PACSIN2: variants seen among roughly 807,000 people sequenced by gnomAD.
PACSIN2 encodes the protein protein kinase C and casein kinase substrate in neurons protein 2.
In PACSIN2, 25 loss-of-function variants were observed where a neutral mutation model predicts 63.8. The observed-to-expected ratio is 0.39, with a 90% CI of 0.29 to 0.55. The LOEUF (loss-of-function observed/expected upper bound fraction) is 0.55. PACSIN2 is among the 20% of genes least tolerant of loss of function. The pLI is 0.62. For missense variants in PACSIN2, 518 were observed against 646.9 expected, an observed-to-expected ratio of 0.80 and a Z score of 2.16; for synonymous variants, 255 against 256.2, an observed-to-expected ratio of 1.00 and a Z score of 0.05.
rs1265101339 is a variant in PACSIN2, at chr22:42,884,388, A to G, written c.783T>C (p.Ala261=). 6.2e-7 allele frequency: 1 copy of G among 1,609,198 alleles called. No individual in the cohort carries two copies. Among genetic ancestry groups the G allele is most frequent in the Non-Finnish European group, 8.5e-7 (1 of 1,178,330 alleles). Residue 261 remains alanine, a splice_region_variant and synonymous_variant, in exon 6 of 11, where the codon GCT becomes GCC. Transcript: ENST00000263246. ...GTTTTAGCTCAAAGGAAACTTACCC[A>G]GCCACATTGGACAGGTCTAGGTGCT... The part of the protein sequence containing the change: ...VQKHLDLSNV[A]GYKAIYHDLE...
intron 1 of PACSIN2, among the ~76,000 whole-genome samples, chr22:42,936,756 C>A (rs1932931509): frequency 1.3e-5 from 2 of 152,020 alleles, no homozygotes; most frequent in South Asian, 4.2e-4. Context: ...ACTAAAAATA[C>A]AAAAATTAGC....
chr22:42,986,713 G>A (rs1052769171), intron 1 of PACSIN2, among the ~76,000 whole-genome samples: 4 of 152,080 alleles, frequency 2.6e-5, no homozygotes, highest in Non-Finnish European at 5.9e-5. Context: ...TTTGTGCTAT[G>A]ACCTGAAGAC....
intron 1 of PACSIN2, among the ~76,000 whole-genome samples, chr22:42,928,246 G>T (rs1932661438): frequency 6.6e-6 from 1 of 152,252 alleles, no homozygotes; most frequent in Non-Finnish European, 1.5e-5. Context: ...AAATGTCGCT[G>T]CCTCTGAAGT....
At chr22:42,978,636 G>C (rs1921867650) in intron 1 of PACSIN2, among the ~76,000 whole-genome samples, 1 of 152,126 alleles carries the variant, frequency 6.6e-6, no homozygotes, top group African/African-American at 2.4e-5. Flanking sequence ...GGAGGCAGTC[G>C]GGCAACATTT....
chr22:42,873,119 A>G (rs1928300274), intron 10 of PACSIN2, among the ~76,000 whole-genome samples: 2 of 152,270 alleles, frequency 1.3e-5, no homozygotes, highest in Non-Finnish European at 2.9e-5. Flanking sequence ...CACAGAAAAT[A>G]GAACGGACAG....
intron 1 of PACSIN2, among the ~76,000 whole-genome samples, chr22:42,922,533 C>G (rs972082386): frequency 6.6e-6 from 1 of 152,238 alleles, no homozygotes. Context: ...TGCCACGGCC[C>G]GAGCACACCT....
chr22:43,012,689 G>A (rs1018902019), intron 1 of PACSIN2, among the ~76,000 whole-genome samples: 3 of 148,456 alleles, frequency 2.0e-5, no homozygotes, highest in Admixed American at 6.7e-5. Context: ...TTTTGCTCTT[G>A]TTGCCTAGGC....
chr22:42,959,006 C>T (rs1310362491), intron 1 of PACSIN2, among the ~76,000 whole-genome samples: 1 of 152,118 alleles, frequency 6.6e-6, no homozygotes, highest in Admixed American at 6.5e-5. Context: ...GTTATTAAAA[C>T]AATAAGACTT....
intron 1 of PACSIN2, among the ~76,000 whole-genome samples, chr22:42,988,320 G>A (rs1922779058): frequency 6.6e-6 from 1 of 152,186 alleles, no homozygotes; most frequent in South Asian, 2.1e-4. Flanking sequence ...AGACAGCTGT[G>A]GGATGTGTGA....
intron 1 of PACSIN2, among the ~76,000 whole-genome samples, chr22:42,981,357 G>A (rs1458338900): frequency 1.4e-5 from 2 of 145,940 alleles, no homozygotes; most frequent in African/African-American, 5.2e-5. Flanking sequence ...GGAGGTGGGG[G>A]GGGTCAGCCC....
chr22:42,893,614 C>T lies in PACSIN2; in HGVS notation c.61-1G>A, dbSNP rs769627114. 6.2e-7 allele frequency: 1 copy of T among 1,611,318 alleles called. No individual in the cohort carries two copies. Among genetic ancestry groups the T allele is most frequent in the Non-Finnish European group, 8.5e-7 (1 of 1,177,710 alleles). On this transcript the variant is annotated splice_acceptor_variant, in intron 2 of 10. Transcript: ENST00000263246. LOFTEE classifies it high-confidence loss of function. Reference sequence around the variant, plus strand: ...TCACAGTCCGCTTGTAGTTCCCGACCTAGGAGAGAGAACCAGCTGGGAGGC... The same window carrying T: ...TCACAGTCCGCTTGTAGTTCCCGACTTAGGAGAGAGAACCAGCTGGGAGGC...
At chr22:42,913,736 T>C (rs997360022) in intron 1 of PACSIN2, among the ~76,000 whole-genome samples, 2 of 152,152 alleles carry the variant, frequency 1.3e-5, no homozygotes, top group African/African-American at 2.4e-5. Flanking sequence ...GTCAAGACAA[T>C]TGATGTTCAG....
chr22:42,963,807 C>T (rs1049148930), intron 1 of PACSIN2, among the ~76,000 whole-genome samples: 6 of 150,460 alleles, frequency 4.0e-5, no homozygotes, highest in Non-Finnish European at 8.8e-5. Flanking sequence ...AGATATTTGG[C>T]AAAAGGTCGT....
chr22:43,012,608 G>A (rs1417783581), intron 1 of PACSIN2, among the ~76,000 whole-genome samples: 1 of 151,886 alleles, frequency 6.6e-6, no homozygotes, highest in Non-Finnish European at 1.5e-5. Flanking sequence ...AGCCTCCCAA[G>A]TAGCTGAGGC....
intron 1 of PACSIN2, among the ~76,000 whole-genome samples, chr22:43,002,932 T>C (rs1224658596): frequency 1.3e-5 from 2 of 152,242 alleles, no homozygotes; most frequent in Admixed American, 6.5e-5. Flanking sequence ...ATTATAACAA[T>C]GTCAGTTATT....
At position 43,011,296 on chromosome 22, in the gene PACSIN2, C is replaced by T. The variant is rs1284591553; in HGVS notation, c.-78+3725G>A. ...ACAACCTAACTGGAAAAAAACTAAGCCAGCACTATTGCTCACATGAATGTG... is the reference window on the plus strand; with the variant it reads ...ACAACCTAACTGGAAAAAAACTAAGTCAGCACTATTGCTCACATGAATGTG... On this transcript the variant is annotated intron_variant, in intron 1 of 10. Transcript: ENST00000263246. Among the ~76,000 whole-genome samples, 12 of 152,302 alleles carry T rather than the reference C, an allele frequency of 7.9e-5. No individual in the cohort carries two copies. The East Asian group carries it at 2.3e-3, about 29-fold the overall frequency.
chr22:43,009,838 T>C (rs1361861558), intron 1 of PACSIN2, among the ~76,000 whole-genome samples: 1 of 151,774 alleles, frequency 6.6e-6, no homozygotes, highest in East Asian at 1.9e-4. Flanking sequence ...AGGTCTTTGA[T>C]AGTTGAGACA....
intron 5 of PACSIN2, 96 bp downstream of exon 5, chr22:42,888,547 A>G: frequency 8.2e-7 from 1 of 1,221,546 alleles, no homozygotes; most frequent in East Asian, 2.3e-5. Flanking sequence ...CCCTCTATCC[A>G]CCCATTCACC....
chr22:42,884,396 T>C lies in PACSIN2; in HGVS notation c.775A>G (p.Asn259Asp). ...TCAAAGGAAACTTACCCAGCCACAT[T>C]GGACAGGTCTAGGTGCTTCTGAACC... is the stretch of plus-strand genomic sequence containing the variant. ...LEVQKHLDLS[N>D]VAGYKAIYHD... is the part of the protein sequence containing the mutation. Residue 259 changes from asparagine (N) to aspartate (D), a missense_variant, in exon 6 of 11, where the codon AAT (asparagine) becomes GAT (aspartate). Transcript: ENST00000263246. 6.2e-7 allele frequency: 1 copy of C among 1,611,878 alleles called. No homozygotes were observed. The highest frequency in any genetic ancestry group is 8.5e-7 in the Non-Finnish European group (1 of 1,179,378).
Sources: gnomAD v4.1 joint callset for allele counts (sites outside exome capture counted in the v4.1 genomes callset) on GRCh38, gnomAD v4.1.1 for gene constraint, MANE v1.5 for transcripts, NCBI Gene and HGNC (gene_info 2026-07-23, HGNC 2026-07-21) for gene names.